The following TBXAS1 variants were observed in gnomAD, a reference collection of about 807,000 sequenced individuals.
TBXAS1 encodes thromboxane-A synthase.
In TBXAS1, 48 loss-of-function variants were observed where a neutral mutation model predicts 60.7. The ratio of observed to expected loss-of-function variants is 0.79; its 90% CI spans 0.63 to 1.01. The LOEUF (loss-of-function observed/expected upper bound fraction) is 1.01. Among genes scored for constraint, TBXAS1 ranks in the 50% least tolerant of loss-of-function variants. The pLI, the probability that TBXAS1 is intolerant of heterozygous loss-of-function variation, is 0.00. For synonymous variants in TBXAS1, 287 were observed against 269.7 expected, an observed-to-expected ratio of 1.06 and a Z score of -0.63; for missense variants, 685 against 686.3, an observed-to-expected ratio of 1.00 and a Z score of 0.02.
At chr7:139,969,163 T>TA (rs1811010097) in intron 9 of TBXAS1, among the ~76,000 whole-genome samples, 2 of 152,232 alleles carry the variant, frequency 1.3e-5, no homozygotes, top group Non-Finnish European at 2.9e-5. Context: ...GTTGTAAATT[T>TA]ATCACAGACT....
chr7:139,851,520 C>T (rs1800210792), intron 1 of TBXAS1, among the ~76,000 whole-genome samples: 1 of 152,186 alleles, frequency 6.6e-6, no homozygotes, highest in Non-Finnish European at 1.5e-5. Flanking sequence ...GGTGAAGTTT[C>T]CCTGATTTTT....
chr7:139,997,151 C>T (rs756105972), intron 9 of TBXAS1, among the ~76,000 whole-genome samples: 4 of 152,132 alleles, frequency 2.6e-5, no homozygotes, highest in African/African-American at 7.2e-5. Context: ...GGCACAGAAC[C>T]GTATCTTATC....
intron 3 of TBXAS1, among the ~76,000 whole-genome samples, chr7:139,880,529 C>T (rs1295762339): frequency 2.0e-5 from 3 of 152,236 alleles, no homozygotes. Context: ...TCTGCTCCTT[C>T]ACAGAGGCAA....
intron 3 of TBXAS1, among the ~76,000 whole-genome samples, chr7:139,903,722 A>G (rs1421376005): frequency 6.6e-6 from 1 of 151,644 alleles, no homozygotes; most frequent in Non-Finnish European, 1.5e-5. Context: ...GCATTTTTTC[A>G]TTTGTTTATT....
At chr7:139,900,473 G>A (rs552366598) in intron 3 of TBXAS1, among the ~76,000 whole-genome samples, 16 of 152,290 alleles carry the variant, frequency 1.1e-4, no homozygotes, top group African/African-American at 2.9e-4. Context: ...CCAAGATCAG[G>A]CCCTTCTAGG....
chr7:139,845,675 T>C (rs1009311370), intron 1 of TBXAS1, among the ~76,000 whole-genome samples: 11 of 152,100 alleles, frequency 7.2e-5, no homozygotes, highest in African/African-American at 1.4e-4. Flanking sequence ...GAAGAGATGA[T>C]CTATAGGATT....
chr7:139,915,407 T>G (rs953179535), intron 4 of TBXAS1, among the ~76,000 whole-genome samples: 1 of 152,220 alleles, frequency 6.6e-6, no homozygotes, highest in South Asian at 2.1e-4. Context: ...CGGTAAACAT[T>G]AAATGCTTAC....
chr7:139,923,064 C>G (rs1806600150), intron 4 of TBXAS1, among the ~76,000 whole-genome samples: 1 of 152,102 alleles, frequency 6.6e-6, no homozygotes, highest in Non-Finnish European at 1.5e-5. Context: ...GTGGCTAACG[C>G]CTATAATTTT....
intron 1 of TBXAS1, among the ~76,000 whole-genome samples, chr7:139,848,101 G>A (rs1046955944): frequency 1.3e-5 from 2 of 151,970 alleles, no homozygotes; most frequent in Non-Finnish European, 2.9e-5. Context: ...GACTATAGGT[G>A]CATGCAACCA....
intron 4 of TBXAS1, among the ~76,000 whole-genome samples, chr7:139,931,785 C>T (rs1247977597): frequency 1.3e-5 from 2 of 152,078 alleles, no homozygotes; most frequent in African/African-American, 2.4e-5. Context: ...GGGACACAAC[C>T]AAACCATATC....
At chr7:139,924,569 T>C (rs1243347165) in intron 4 of TBXAS1, among the ~76,000 whole-genome samples, 2 of 152,136 alleles carry the variant, frequency 1.3e-5, no homozygotes, top group Non-Finnish European at 2.9e-5. Flanking sequence ...CCTTGCCAGA[T>C]GGGTAGTTTG....
chr7:139,966,984 C>T (rs1021933960), intron 9 of TBXAS1, among the ~76,000 whole-genome samples: 6 of 152,228 alleles, frequency 3.9e-5, no homozygotes, highest in South Asian at 2.1e-4. Flanking sequence ...GGGCTTCTGA[C>T]GTGGGGTAGA....
chr7:139,816,849 C>A (rs774835213), intron 4 of TBXAS1, among the ~76,000 whole-genome samples: 1 of 152,186 alleles, frequency 6.6e-6, no homozygotes, highest in Non-Finnish European at 1.5e-5. Flanking sequence ...CCCATCCAGG[C>A]TTGGAACCCT....
At chr7:139,819,542 G>A (rs10265952) in intron 4 of TBXAS1, among the ~76,000 whole-genome samples, 4,752 of 152,092 alleles carry the variant, frequency 0.031, 242 homozygotes, top group African/African-American at 0.11. Context: ...TCACTCTGTC[G>A]CCCAGGCTGG....
At chr7:139,904,991 C>T in intron 3 of TBXAS1, among the ~76,000 whole-genome samples, 1 of 128,322 alleles carries the variant, frequency 7.8e-6, no homozygotes, top group East Asian at 2.1e-4. Flanking sequence ...CTCTTTCTCT[C>T]TTTCTCTCTT....
chr7:139,959,703 G>T (rs918162389), intron 8 of TBXAS1, among the ~76,000 whole-genome samples: 2 of 151,938 alleles, frequency 1.3e-5, no homozygotes, highest in African/African-American at 4.8e-5. Flanking sequence ...CCGGTGTAGA[G>T]GTGGCTGTGC....
At chr7:140,014,207 C>G (rs1329167009) in intron 10 of TBXAS1, among the ~76,000 whole-genome samples, 1 of 152,178 alleles carries the variant, frequency 6.6e-6, no homozygotes, top group African/African-American at 2.4e-5. Context: ...TGGCACCATA[C>G]GAAAGACCAG....
intron 1 of TBXAS1, among the ~76,000 whole-genome samples, chr7:139,842,937 A>G (rs1799560066): frequency 6.6e-6 from 1 of 152,228 alleles, no homozygotes. Context: ...ATCTGAAAGC[A>G]AAGCCAAGCT....
intron 3 of TBXAS1, among the ~76,000 whole-genome samples, chr7:139,905,151 T>C (rs1804975573): frequency 1.3e-5 from 2 of 151,688 alleles, no homozygotes; most frequent in South Asian, 2.1e-4. Flanking sequence ...TCCAGTACTA[T>C]GTTGAAGAGG....
Sources: allele counts gnomAD v4.1 joint callset (sites outside exome capture counted in the v4.1 genomes callset), GRCh38; gene constraint gnomAD v4.1.1; transcripts MANE v1.5; gene names NCBI Gene and HGNC (gene_info 2026-07-23, HGNC 2026-07-21).